Variants in PRPF6 observed in about 807,000 individuals in gnomAD.
The protein encoded by PRPF6 is pre-mRNA-processing factor 6.
Under a neutral mutation model 118.3 loss-of-function variants are expected in PRPF6, and 42 were observed. That is an observed-to-expected ratio of 0.35 (90% CI 0.28 to 0.46). PRPF6 has a LOEUF of 0.46. PRPF6 is among the 20% of genes least tolerant of loss of function. The pLI, the probability that PRPF6 is intolerant of heterozygous loss-of-function variation, is 1.00. For synonymous variants in PRPF6, 481 were observed against 485.1 expected, an observed-to-expected ratio of 0.99 and a Z score of 0.11; for missense variants, 662 against 1,255.7, an observed-to-expected ratio of 0.53 and a Z score of 7.15.
At chr20:64,000,570 A>G (rs79232289) in intron 8 of PRPF6, among the ~76,000 whole-genome samples, 3 of 141,680 alleles carry the variant, frequency 2.1e-5, no homozygotes, top group African/African-American at 7.8e-5. Flanking sequence ...GTGGTGTTTC[A>G]TTTTTTTTTT....
chr20:64,021,562 CTGTG>C (rs370834346), intron 12 of PRPF6, among the ~76,000 whole-genome samples: 4 of 63,844 alleles, frequency 6.3e-5, no homozygotes, highest in South Asian at 5.7e-4. Flanking sequence ...GTGTGTGTGT[CTGTG>C]TGTGTGTGTG....
At chr20:63,987,191 G>GAAA (rs1461959188) in intron 3 of PRPF6, among the ~76,000 whole-genome samples, 1 of 142,048 alleles carries the variant, frequency 7.0e-6, no homozygotes, top group African/African-American at 2.7e-5. Context: ...AAAAAAAAAG[G>GAAA]GGGGGGGAGC....
intron 3 of PRPF6, 135 bp from the exon 4 acceptor site, chr20:63,993,272 A>ATG (rs1262992971): frequency 1.1e-5 from 5 of 441,532 alleles, no homozygotes; most frequent in South Asian, 4.0e-5. Flanking sequence ...GTATATGTAT[A>ATG]TATATATATA....
chr20:64,030,226 G>A (rs538464488), intron 19 of PRPF6, among the ~76,000 whole-genome samples: 56 of 152,314 alleles, frequency 3.7e-4, no homozygotes, highest in Admixed American at 3.7e-3. Context: ...TCAGGAGGCT[G>A]GGAAGTGACC....
chr20:64,028,445 G>C lies in PRPF6; in HGVS notation c.2340-33G>C. 1 of 1,610,284 alleles carries C rather than the reference G, an allele frequency of 6.2e-7. No individual in the cohort carries two copies. Among genetic ancestry groups the C allele is most frequent in the Non-Finnish European group, 8.5e-7 (1 of 1,176,940 alleles). On this transcript the variant is annotated intron_variant, in intron 17 of 20. Transcript: ENST00000266079. The surrounding 1 kb of genome is among the most constrained non-coding windows in gnomAD (Gnocchi z 6.5). ...ACCAGAATATGTGCTGTTGGTAGAC[G>C]GCTGTGGGACCTCCGGGGGCCTGTC...
Position 64,027,685 on chromosome 20 carries a change from G to A in PRPF6, c.2288G>A (p.Arg763Gln). 6.2e-7 allele frequency: 1 copy of A among 1,614,048 alleles called. No individual in the cohort carries two copies. Among genetic ancestry groups the A allele is most frequent in the Non-Finnish European group, 8.5e-7 (1 of 1,180,008 alleles). Residue 763 changes from arginine (R) to glutamine (Q), a missense_variant, in exon 17 of 21, where the codon CGG (arginine) becomes CAG (glutamine). Around this residue, in one of 10 missense-constraint regions of PRPF6, gnomAD observed 244 missense variants for 383.7 expected, o/e 0.64. Transcript: ENST00000266079. This position sits in a 1 kb window ranked among gnomAD's most constrained non-coding sequence, Gnocchi z 6.5. The stretch of plus-strand genomic sequence containing the variant: ...AAGATTGGGCAGCTTACTCGAGCAC[G>A]GGCCATTTTGGAAAAGTCTCGTCTG... ...EEKIGQLTRA[R>Q]AILEKSRLKN...
chr20:63,981,422 G>T (rs2059066392), intron 1 of PRPF6, 106 bp downstream of exon 1: 3 of 1,126,842 alleles, frequency 2.7e-6, no homozygotes, highest in Non-Finnish European at 3.8e-6. Flanking sequence ...TCTGAAAGAC[G>T]CTTGGTGGAT....
chr20:64,032,264 C>T (rs994500164), intron 20 of PRPF6, among the ~76,000 whole-genome samples: 1 of 152,224 alleles, frequency 6.6e-6, no homozygotes, highest in African/African-American at 2.4e-5. Context: ...AGCTCCACAC[C>T]CTGGAATTGA....
In PRPF6 at chr20:64,032,919, G is replaced by A. The variant is rs765346207; in HGVS notation, c.2752G>A (p.Asp918Asn). The part of the protein sequence containing the change: ...HGELWCAVSK[D>N]IANWQKKIGD... ...GGAGCTGTGGTGCGCCGTGTCCAAG[G>A]ACATCGCCAACTGGCAGAAGAAGAT... is the stretch of plus-strand genomic sequence containing the variant. The change falls in exon 21 of 21, where the codon GAC becomes AAC. Residue 918 changes from aspartate (D) to asparagine (N), a missense_variant. Asp to Asn is a conservative substitution (Grantham distance 23, BLOSUM62 1). Around this residue, in one of 10 missense-constraint regions of PRPF6, gnomAD observed 244 missense variants for 383.7 expected, o/e 0.64. Transcript: ENST00000266079. 1.2e-6 allele frequency: 2 copies of A among 1,613,302 alleles called. No individual in the cohort carries two copies. The highest frequency in any genetic ancestry group is 1.6e-4 in the Middle Eastern group (1 of 6,084).
chr20:64,023,396 C>T (rs182364300), intron 13 of PRPF6, among the ~76,000 whole-genome samples: 6 of 152,312 alleles, frequency 3.9e-5, no homozygotes, highest in African/African-American at 1.2e-4. Context: ...TTAAATTTGG[C>T]GTTGCAGTTT....
At chr20:64,001,585 G>A (rs1192718525) in intron 9 of PRPF6, among the ~76,000 whole-genome samples, 1 of 152,210 alleles carries the variant, frequency 6.6e-6, no homozygotes, top group East Asian at 1.9e-4. Context: ...CTCTGGAGAT[G>A]GTCTGTGTGA....
chr20:64,024,730 C>T (rs748375789), intron 14 of PRPF6, 37 bp downstream of exon 14: 12 of 1,603,710 alleles, frequency 7.5e-6, no homozygotes, highest in Non-Finnish European at 1.0e-5. Context: ...GGGGCCTGTG[C>T]ACACAGGAGC....
intron 3 of PRPF6, among the ~76,000 whole-genome samples, chr20:63,988,698 A>C (rs1234849611): frequency 2.0e-5 from 3 of 151,560 alleles, no homozygotes; most frequent in Non-Finnish European, 4.4e-5. Context: ...GCTAAACCCC[A>C]TCTCTACTAA....
At chr20:64,031,646 C>G (rs59490848) in intron 19 of PRPF6, among the ~76,000 whole-genome samples, 1 of 146,388 alleles carries the variant, frequency 6.8e-6, no homozygotes, top group African/African-American at 2.5e-5. Context: ...GCACTCCAGC[C>G]TGGGCGACAG....
chr20:63,994,384 C>T (rs946677260), intron 4 of PRPF6, among the ~76,000 whole-genome samples: 4 of 151,928 alleles, frequency 2.6e-5, no homozygotes, highest in South Asian at 4.2e-4. Flanking sequence ...CTCGAACTCC[C>T]GACCTCAGGT....
intron 6 of PRPF6, among the ~76,000 whole-genome samples, chr20:63,998,608 G>T (rs1472854894): frequency 6.7e-6 from 1 of 149,748 alleles, no homozygotes; most frequent in South Asian, 2.1e-4. Flanking sequence ...TTGGGAGGCC[G>T]AGGCGGGCGG....
At chr20:63,998,714 C>T (rs1241101210) in intron 6 of PRPF6, among the ~76,000 whole-genome samples, 2 of 148,968 alleles carry the variant, frequency 1.3e-5, no homozygotes, top group African/African-American at 2.5e-5. Flanking sequence ...TGGTGGCGGG[C>T]GCCTGTAGTC....
At chr20:63,981,975 G>A (rs141271876) in intron 1 of PRPF6, among the ~76,000 whole-genome samples, 1 of 152,048 alleles carries the variant, frequency 6.6e-6, no homozygotes, top group African/African-American at 2.4e-5. Context: ...AAACGGTGAC[G>A]ATAGAAGAGA....
rs1201574185 is a variant in PRPF6, at chr20:64,011,244, G to A, written c.1306-41G>A. On this transcript the variant is annotated intron_variant, in intron 10 of 20. Coordinates refer to ENST00000266079, the MANE Select transcript of PRPF6 (RefSeq NM_012469.4). This position sits in a 1 kb window ranked among gnomAD's most constrained non-coding sequence, Gnocchi z 6.7. Reference sequence around the variant, plus strand: ...TGTCTGGCCTGCAGCTGTCCCCCCAGCACAGTGTCCTCTCCTTTTTCTCGT... The same window carrying A: ...TGTCTGGCCTGCAGCTGTCCCCCCAACACAGTGTCCTCTCCTTTTTCTCGT... 6.3e-7 allele frequency: 1 copy of A among 1,597,062 alleles called. No homozygotes were observed. The highest frequency in any genetic ancestry group is 1.3e-5 in the African/African-American group (1 of 74,622).
Sources: gnomAD v4.1 joint callset for allele counts (sites outside exome capture counted in the v4.1 genomes callset) on GRCh38, gnomAD v4.1.1 for gene constraint, gnomAD v4.1.1 regional missense constraint, Gnocchi (gnomAD v3.1) non-coding constraint, MANE v1.5 for transcripts, NCBI Gene and HGNC (gene_info 2026-07-23, HGNC 2026-07-21) for gene names.